Variants in DCPS observed in about 807,000 individuals in gnomAD.
DCPS encodes m7GpppX diphosphatase.
Under a neutral mutation model 34.7 loss-of-function variants are expected in DCPS, and 27 were observed. The ratio of observed to expected loss-of-function variants is 0.78; its 90% confidence interval spans 0.57 to 1.07. The LOEUF (loss-of-function observed/expected upper bound fraction) is 1.07. Ranked by LOEUF, DCPS falls within the 50% of genes least tolerant of loss-of-function variation. The probability of loss-of-function intolerance (pLI) is 0.00; values close to 1 mark genes in which losing one functional copy is unlikely to be tolerated. For missense variants in DCPS, 464 were observed against 436.9 expected (o/e 1.06, Z -0.55); for synonymous variants, 185 against 185.7 (o/e 1.00, Z 0.03).
chr11:126,332,790 T>A lies in DCPS; in HGVS notation c.522+1240T>A, dbSNP rs1230024555. 6.6e-6 allele frequency among the ~76,000 whole-genome samples: 1 copy of A among 152,308 alleles called. No homozygotes were observed. The highest frequency in any genetic ancestry group is 2.1e-4 in the South Asian group (1 of 4,826). ...TTTGTTGTTGTTGTTGTTGTTTGTT[T>A]GTTTGTTTTTAAAGTCCCAGCACTT... On this transcript the variant is annotated intron_variant, in intron 3 of 5. Coordinates refer to ENST00000263579, the MANE Select transcript of DCPS (RefSeq NM_014026.6). The surrounding 1 kb of genome is among the most constrained non-coding windows in gnomAD (Gnocchi z 5.4).
Position 126,345,518 on chromosome 11 carries a change from T to C in DCPS, c.919T>C (p.Cys307Arg). ...LLAEVIENLE[C>R]DPRHYQQRTL... Reference sequence around the variant, plus strand: ...GGCTGAGGTGATCGAGAACTTGGAGTGTGACCCTAGGCACTACCAGCAGCG... The same window carrying C: ...GGCTGAGGTGATCGAGAACTTGGAGCGTGACCCTAGGCACTACCAGCAGCG... The change falls in exon 6 of 6, where the codon TGT (cysteine) becomes CGT (arginine). Residue 307 changes from cysteine to arginine, a missense_variant. Coordinates refer to ENST00000263579, the MANE Select transcript of DCPS (RefSeq NM_014026.6). The surrounding 1 kb of genome is among the most constrained non-coding windows in gnomAD (Gnocchi z 7.4). The C allele has an allele frequency of 6.2e-7, 1 of 1,613,896 alleles. No individual in the cohort carries two copies. Among genetic ancestry groups the C allele is most frequent in the Non-Finnish European group, 8.5e-7 (1 of 1,179,976 alleles).
At position 126,328,147 on chromosome 11, in the gene DCPS, C is replaced by T. The variant is rs1210479618; in HGVS notation, c.377-3258C>T. ...CGCGAGTTAGTGGGTCAGTGGGGAG[C>T]CGGCGCGGCTGGAGCAGAGGCCCTA... On this transcript the variant is annotated intron_variant, in intron 2 of 5. Coordinates refer to ENST00000263579, the MANE Select transcript of DCPS (RefSeq NM_014026.6). The surrounding 1 kb of genome is among the most constrained non-coding windows in gnomAD (Gnocchi z 6.6). Among the ~76,000 whole-genome samples, 1 of 152,190 alleles carries T rather than the reference C, an allele frequency of 6.6e-6. No individual in the cohort carries two copies. The highest frequency in any genetic ancestry group is 1.5e-5 in the Non-Finnish European group (1 of 68,030).
intron 2 of DCPS, among the ~76,000 whole-genome samples, chr11:126,307,942 C>T (rs904860966): frequency 6.6e-6 from 1 of 152,100 alleles, no homozygotes; most frequent in African/African-American, 2.4e-5. Flanking sequence ...GTCTTGCTCA[C>T]CATACTCATT....
Position 126,342,664 on chromosome 11 carries a change from GTC to G in DCPS, c.637-641_637-640del, listed in dbSNP as rs1241102050. Among the ~76,000 whole-genome samples, 1 of 151,992 alleles carries G rather than the reference GTC, an allele frequency of 6.6e-6. No homozygotes were observed. The highest frequency in any genetic ancestry group is 2.4e-5 in the African/African-American group (1 of 41,368). ...TCCTCCTGCACTGGGATTATTTTGT[GTC>G]TTACAGTAGAGCTACTTGCATACAT... On this transcript the variant is annotated intron_variant, in intron 4 of 5. Transcript: ENST00000263579. The surrounding 1 kb of genome is among the most constrained non-coding windows in gnomAD (Gnocchi z 4.4).
chr11:126,333,224 T>G lies in DCPS; in HGVS notation c.522+1674T>G, dbSNP rs1338131426. Among the ~76,000 whole-genome samples, 1 of 152,230 alleles carries G rather than the reference T, an allele frequency of 6.6e-6. No individual in the cohort carries two copies. Among genetic ancestry groups the G allele is most frequent in the Non-Finnish European group, 1.5e-5 (1 of 68,046 alleles). ...AAAACTCCACTACTCTTCCAACTCC[T>G]GACTGACGGGAGCCGTTCATGTATT... On this transcript the variant is annotated intron_variant, in intron 3 of 5. Transcript: ENST00000263579. This position sits in a 1 kb window ranked among gnomAD's most constrained non-coding sequence, Gnocchi z 5.7.
At position 126,332,731 on chromosome 11, in the gene DCPS, T is replaced by C. The variant is rs149080350; in HGVS notation, c.522+1181T>C. On this transcript the variant is annotated intron_variant, in intron 3 of 5. Coordinates refer to ENST00000263579, the MANE Select transcript of DCPS (RefSeq NM_014026.6). This position sits in a 1 kb window ranked among gnomAD's most constrained non-coding sequence, Gnocchi z 5.4. ...CAGCCCTGGTCTCCCTGGGCAGCAG[T>C]TTGCGTGGGGTGCATCTGGCTCAAG... Among the ~76,000 whole-genome samples the C allele has an allele frequency of 1.8e-4, 27 of 152,356 alleles. No homozygotes were observed. Among genetic ancestry groups the C allele is most frequent in the African/African-American group, 5.8e-4 (24 of 41,584 alleles).
chr11:126,304,069 C>T lies in DCPS; in HGVS notation c.-12C>T. ...CGCAGGGGGCGCAGGCGCACACCGC[C>T]TCCGCGGCAGCATGGCGGACGCAGC... On this transcript the variant is annotated 5_prime_UTR_variant, in exon 1 of 6. Coordinates refer to ENST00000263579, the MANE Select transcript of DCPS (RefSeq NM_014026.6). 1 of 1,582,558 alleles carries T rather than the reference C, an allele frequency of 6.3e-7. No homozygotes were observed. Among genetic ancestry groups the T allele is most frequent in the African/African-American group, 1.3e-5 (1 of 74,368 alleles).
chr11:126,326,871 C>A (rs1013771806), intron 2 of DCPS, among the ~76,000 whole-genome samples: 1 of 151,276 alleles, frequency 6.6e-6, no homozygotes, highest in Non-Finnish European at 1.5e-5. Flanking sequence ...TGCAGTGAGC[C>A]GAGATCACGC....
intron 4 of DCPS, among the ~76,000 whole-genome samples, chr11:126,340,554 T>A (rs1951868216): frequency 6.6e-6 from 1 of 152,226 alleles, no homozygotes; most frequent in Non-Finnish European, 1.5e-5. Context: ...GTGACAGCAC[T>A]GAATTGGTAG....
intron 2 of DCPS, among the ~76,000 whole-genome samples, chr11:126,326,570 C>A (rs1309512653): frequency 6.6e-6 from 1 of 152,146 alleles, no homozygotes; most frequent in Non-Finnish European, 1.5e-5. Context: ...AATTTTCCTA[C>A]TAAAAAAAAT....
rs952373205 is a variant in DCPS, at chr11:126,315,978, G to A, written c.376+9234G>A. ...TCTGCCCACCTCACCCTTTCAAAGT[G>A]CTGGGATTACAGATGTGAGTCACCA... On this transcript the variant is annotated intron_variant, in intron 2 of 5. Transcript: ENST00000263579. The surrounding 1 kb of genome is among the most constrained non-coding windows in gnomAD (Gnocchi z 6.1). Among the ~76,000 whole-genome samples the A allele has an allele frequency of 1.3e-5, 2 of 152,088 alleles. No homozygotes were observed. Among genetic ancestry groups the A allele is most frequent in the African/African-American group, 4.8e-5 (2 of 41,340 alleles).
In DCPS at chr11:126,314,951, C is replaced by T. The variant is rs1951646896; in HGVS notation, c.376+8207C>T. Among the ~76,000 whole-genome samples the T allele has an allele frequency of 3.3e-5, 5 of 151,982 alleles. 1 individual carries two copies. The highest frequency in any genetic ancestry group is 3.3e-4 in the Admixed American group (5 of 15,252). On this transcript the variant is annotated intron_variant, in intron 2 of 5. Transcript: ENST00000263579. Reference sequence around the variant, plus strand: ...CTAAAGAACTTATTCACGTAAGTTCCTACCTGTTCCCCAAAAACCTATTGA... The same window carrying T: ...CTAAAGAACTTATTCACGTAAGTTCTTACCTGTTCCCCAAAAACCTATTGA...
chr11:126,322,158 A>G lies in DCPS; in HGVS notation c.377-9247A>G, dbSNP rs1951711661. On this transcript the variant is annotated intron_variant, in intron 2 of 5. Coordinates refer to ENST00000263579, the MANE Select transcript of DCPS (RefSeq NM_014026.6). The surrounding 1 kb of genome is among the most constrained non-coding windows in gnomAD (Gnocchi z 4.2). ...GAAGATAAAACCACTTTGAGATCCA[A>G]CCACACCATCAGGGCATTGGAGACA... 6.6e-6 allele frequency among the ~76,000 whole-genome samples: 1 copy of G among 152,226 alleles called. No individual in the cohort carries two copies. Among genetic ancestry groups the G allele is most frequent in the Non-Finnish European group, 1.5e-5 (1 of 68,050 alleles).
chr11:126,305,111 T>A (rs1448673199), intron 1 of DCPS, among the ~76,000 whole-genome samples: 1 of 152,124 alleles, frequency 6.6e-6, no homozygotes, highest in Non-Finnish European at 1.5e-5. Context: ...TTTTTATTTA[T>A]TTATTTATTT....
chr11:126,315,030 C>T lies in DCPS; in HGVS notation c.376+8286C>T, dbSNP rs1565372431. On this transcript the variant is annotated intron_variant, in intron 2 of 5. Transcript: ENST00000263579. The surrounding 1 kb of genome is among the most constrained non-coding windows in gnomAD (Gnocchi z 6.1). ...TTGCTCTACCGTAAAGACACATGCA[C>T]ACATATGTTCATTGTAGAGCTATTC... Among the ~76,000 whole-genome samples, 1 of 152,016 alleles carries T rather than the reference C, an allele frequency of 6.6e-6. No homozygotes were observed. The highest frequency in any genetic ancestry group is 1.9e-4 in the East Asian group (1 of 5,196).
intron 2 of DCPS, among the ~76,000 whole-genome samples, chr11:126,330,801 A>G (rs1490952190): frequency 7.7e-6 from 1 of 129,362 alleles, no homozygotes; most frequent in African/African-American, 2.9e-5. Context: ...CAATGGTGCA[A>G]TCTGGGCTCA....
In DCPS at chr11:126,347,761, C is replaced by T. The variant is rs1391270272; in HGVS notation, c.*2148C>T. Among the ~76,000 whole-genome samples, 1 of 152,332 alleles carries T rather than the reference C, an allele frequency of 6.6e-6. No individual in the cohort carries two copies. The highest frequency in any genetic ancestry group is 1.9e-4 in the East Asian group (1 of 5,180). On this transcript the variant is annotated 3_prime_UTR_variant, in exon 6 of 6. Coordinates refer to ENST00000263579, the MANE Select transcript of DCPS (RefSeq NM_014026.6). This position sits in a 1 kb window ranked among gnomAD's most constrained non-coding sequence, Gnocchi z 4.2. ...GGAGGTCTTCTCCCAGAGCAGTGTCCAGCTTGCAGGAATGCTCCCTGCGTC... is the reference window on the plus strand; with the variant it reads ...GGAGGTCTTCTCCCAGAGCAGTGTCTAGCTTGCAGGAATGCTCCCTGCGTC...
At position 126,346,018 on chromosome 11, in the gene DCPS, C is replaced by T. The variant is rs928393496; in HGVS notation, c.*405C>T. ...CCCATCACCCCTCCTCCTTCCCCTG[C>T]CATCCACCTCTCCTTTGAGGAGTTC... is the stretch of plus-strand genomic sequence containing the variant. On this transcript the variant is annotated 3_prime_UTR_variant, in exon 6 of 6. Transcript: ENST00000263579. The surrounding 1 kb of genome is among the most constrained non-coding windows in gnomAD (Gnocchi z 4.1). 1.3e-5 allele frequency among the ~76,000 whole-genome samples: 2 copies of T among 152,268 alleles called. No homozygotes were observed. Among genetic ancestry groups the T allele is most frequent in the South Asian group, 2.1e-4 (1 of 4,824 alleles).
chr11:126,331,311 A>T lies in DCPS; in HGVS notation c.377-94A>T. 6.5e-7 allele frequency: 1 copy of T among 1,539,458 alleles called. No homozygotes were observed. Among genetic ancestry groups the T allele is most frequent in the Non-Finnish European group, 8.8e-7 (1 of 1,141,618 alleles). On this transcript the variant is annotated intron_variant, in intron 2 of 5. Coordinates refer to ENST00000263579, the MANE Select transcript of DCPS (RefSeq NM_014026.6). This position sits in a 1 kb window ranked among gnomAD's most constrained non-coding sequence, Gnocchi z 7.2. ...GGATTTTGGCTTCCCTCAGGGAATC[A>T]AAGCCAGGGTGGGAGTTCTCTCCTC... is the stretch of plus-strand genomic sequence containing the variant.
Sources: gnomAD v4.1 joint callset for allele counts (sites outside exome capture counted in the v4.1 genomes callset) on GRCh38, gnomAD v4.1.1 for gene constraint, Gnocchi (gnomAD v3.1) non-coding constraint, MANE v1.5 for transcripts, NCBI Gene and HGNC (gene_info 2026-07-23, HGNC 2026-07-21) for gene names.